The following ACIN1 variants were observed in gnomAD, a reference collection of about 807,000 sequenced individuals.
The protein encoded by ACIN1 is apoptotic chromatin condensation inducer 1.
Under a neutral mutation model 146.6 loss-of-function variants are expected in ACIN1, and 16 were observed. That is an observed-to-expected ratio of 0.11 (90% CI 0.07 to 0.17). The LOEUF (loss-of-function observed/expected upper bound fraction) is 0.17, where lower values mean the gene tolerates loss of function less well. Among genes scored for constraint, ACIN1 ranks in the 10% least tolerant of loss-of-function variants. The pLI, the probability that ACIN1 is intolerant of heterozygous loss-of-function variation, is 1.00. For missense variants in ACIN1, 1,357 were observed against 1,609.3 expected, an observed-to-expected ratio of 0.84 and a Z score of 2.68; for synonymous variants, 569 against 582.7, an observed-to-expected ratio of 0.98 and a Z score of 0.34.
chr14:23,058,868 T>A lies in ACIN1; in HGVS notation c.*280A>T, dbSNP rs901714314. ...AAATCAGAGGACTGGGGCACCTGGC[T>A]GTTCCCCATCTCTGGCCAACCACCT... On this transcript the variant is annotated 3_prime_UTR_variant, in exon 19 of 19. Coordinates refer to ENST00000605057, the MANE Select transcript of ACIN1 (RefSeq NM_001386863.1). 3 of 491,936 alleles carry A rather than the reference T, an allele frequency of 6.1e-6. No individual in the cohort carries two copies. The highest frequency in any genetic ancestry group is 5.7e-5 in the African/African-American group (3 of 52,360). 30.5% of individuals were successfully genotyped at this position (491,936 alleles called of 1,614,324 possible).
chr14:23,061,276 TA>T, intron 17 of ACIN1, 21 bp downstream of exon 17: 1 of 1,613,836 alleles, frequency 6.2e-7, no homozygotes, highest in South Asian at 1.1e-5. Context: ...TGGGTATGCG[TA>T]CCCCATAGCT....
intron 6 of ACIN1, 141 bp downstream of exon 6, chr14:23,079,406 A>C: frequency 7.2e-7 from 1 of 1,385,192 alleles, no homozygotes; most frequent in Non-Finnish European, 9.8e-7. Flanking sequence ...TTCTGAAATG[A>C]GGAGAAAGTA....
intron 1 of ACIN1, among the ~76,000 whole-genome samples, chr14:23,093,858 C>T (rs574150297): frequency 2.6e-5 from 4 of 152,282 alleles, no homozygotes; most frequent in Non-Finnish European, 5.9e-5. Context: ...TCTGCACTTT[C>T]GCCAAGTGCC....
rs1250426485 is a variant in ACIN1 at position 23,061,184 on chromosome 14, T to C, written c.3425A>G (p.Glu1142Gly). ...GGCAGGTGGTTCCTCCTGGGCTTTC[T>C]CTGAGGTGGAAAAAAGTGAACCAGA... Reference protein sequence around the residue: ...KSKEKKSEKKEKAQEEPPAKL... With the variant: ...KSKEKKSEKKGKAQEEPPAKL... Residue 1142 changes from glutamate to glycine, a missense_variant and splice_region_variant, in exon 18 of 19, where the codon GAG becomes GGG. Glu to Gly is a moderately conservative substitution (Grantham distance 98). Around this residue, in one of 4 missense-constraint regions of ACIN1, gnomAD observed 509 missense variants for 719.6 expected, o/e 0.71. Coordinates refer to ENST00000605057, the MANE Select transcript of ACIN1 (RefSeq NM_001386863.1). 6.2e-7 allele frequency: 1 copy of C among 1,614,134 alleles called. No individual in the cohort carries two copies.
At chr14:23,090,971 C>G (rs2048212923) in intron 2 of ACIN1, among the ~76,000 whole-genome samples, 1 of 152,170 alleles carries the variant, frequency 6.6e-6, no homozygotes, top group African/African-American at 2.4e-5. Context: ...GTGGCGTGAT[C>G]TTCCCTCACT....
At chr14:23,063,276 T>C (rs1260799176) in intron 13 of ACIN1, 160 bp downstream of exon 13, 5 of 1,147,548 alleles carry the variant, frequency 4.4e-6, no homozygotes, top group Non-Finnish European at 6.1e-6. Flanking sequence ...CAGAGTCAAA[T>C]CTGGCCCTCA....
At chr14:23,076,482 G>A (rs1479003085) in intron 8 of ACIN1, 1 of 152,120 alleles carries the variant, frequency 6.6e-6, no homozygotes, top group East Asian at 1.9e-4. Context: ...GGAGTGGGGG[G>A]ACAGGAAACT....
At chr14:23,081,613 G>A in intron 5 of ACIN1, 135 bp downstream of exon 5, 1 of 730,650 alleles carries the variant, frequency 1.4e-6, no homozygotes, top group Non-Finnish European at 2.2e-6. Context: ...CTAGGCGACA[G>A]AGCCAGACTC....
intron 18 of ACIN1, 28 bp from the exon 19 acceptor site, chr14:23,059,502 T>G (rs1206996383): frequency 8.8e-6 from 14 of 1,588,266 alleles, no homozygotes; most frequent in Non-Finnish European, 1.2e-5. Flanking sequence ...AGGCAGAGAA[T>G]AGGCAGCTCA....
At chr14:23,082,969 G>A (rs952259250) in intron 4 of ACIN1, among the ~76,000 whole-genome samples, 2 of 146,102 alleles carry the variant, frequency 1.4e-5, no homozygotes, top group African/African-American at 5.1e-5. Flanking sequence ...GAACTCCTGG[G>A]CTCAAGCAAT....
At position 23,067,428 on chromosome 14, in the gene ACIN1, G is replaced by A. The variant is rs2047491720; in HGVS notation, c.2266-1420C>T. 1 of 982,464 alleles carries A rather than the reference G, an allele frequency of 1.0e-6. No individual in the cohort carries two copies. The highest frequency in any genetic ancestry group is 1.2e-6 in the Non-Finnish European group (1 of 829,034). 60.9% of individuals were successfully genotyped at this position (982,464 alleles called of 1,614,324 possible). ...CGCTGTGCAATTGGTGGGGGGTTGG[G>A]TTGGCAAAAAAGGTGGGCGCACGGC... On this transcript the variant is annotated intron_variant, in intron 9 of 18. Transcript: ENST00000605057. The surrounding 1 kb of genome is among the most constrained non-coding windows in gnomAD (Gnocchi z 4.6).
At position 23,067,665 on chromosome 14, in the gene ACIN1, G is replaced by T; in HGVS notation, c.2266-1657C>A. On this transcript the variant is annotated intron_variant, in intron 9 of 18. Coordinates refer to ENST00000605057, the MANE Select transcript of ACIN1 (RefSeq NM_001386863.1). This position sits in a 1 kb window ranked among gnomAD's most constrained non-coding sequence, Gnocchi z 4.6. ...CTTGCAGTCCCTGATGAGATGGCCT[G>T]TGAGTAGCAGGAATGATCCTTGCCT... is the stretch of plus-strand genomic sequence containing the variant. 1.0e-6 allele frequency: 1 copy of T among 985,936 alleles called. No individual in the cohort carries two copies. The highest frequency in any genetic ancestry group is 1.2e-6 in the Non-Finnish European group (1 of 829,978). 61.1% of individuals were successfully genotyped at this position (985,936 alleles called of 1,614,324 possible).
intron 8 of ACIN1, among the ~76,000 whole-genome samples, chr14:23,072,629 T>G (rs992039963): frequency 1.3e-5 from 2 of 152,246 alleles, no homozygotes; most frequent in Non-Finnish European, 2.9e-5. Flanking sequence ...CTAGTGGCAG[T>G]AGAAGTTTAC....
In ACIN1 at chr14:23,080,537, G is replaced by C; in HGVS notation, c.798C>G (p.Pro266=). The change falls in exon 6 of 19, where the codon CCC becomes CCG. Residue 266 remains proline, a synonymous_variant. Coordinates refer to ENST00000605057, the MANE Select transcript of ACIN1 (RefSeq NM_001386863.1). ...VKPEEMMDER[P]KTRSQEQEVL... ...CCTCCTGTTCCTGGGATCTTGTTTT[G>C]GGTCTCTCATCCATCATCTCCTCTG... 1.2e-6 allele frequency: 2 copies of C among 1,613,756 alleles called. No homozygotes were observed. Among genetic ancestry groups the C allele is most frequent in the Non-Finnish European group, 1.7e-6 (2 of 1,179,984 alleles).
chr14:23,069,592 C>T lies in ACIN1; in HGVS notation c.2149G>A (p.Asp717Asn). 6.2e-7 allele frequency: 1 copy of T among 1,611,328 alleles called. No individual in the cohort carries two copies. Residue 717 changes from aspartate (D) to asparagine (N), a missense_variant, in exon 9 of 19, where the codon GAC (aspartate) becomes AAC (asparagine). By Grantham distance (23) the Asp-to-Asn change is conservative. Around this residue, in one of 4 missense-constraint regions of ACIN1, gnomAD observed 771 missense variants for 746.6 expected, o/e 1.03. Transcript: ENST00000605057. ...TTTTCAGGTCTGTTTTCACTTGTGTCCATGGTCACTTCCTCCTTCTCCTCA... is the reference window on the plus strand; with the variant it reads ...TTTTCAGGTCTGTTTTCACTTGTGTTCATGGTCACTTCCTCCTTCTCCTCA... The part of the protein sequence containing the change: ...TVEEKEEVTM[D>N]TSENRPENDV...
At chr14:23,091,140 A>G (rs2048216391) in intron 2 of ACIN1, among the ~76,000 whole-genome samples, 1 of 152,058 alleles carries the variant, frequency 6.6e-6, no homozygotes, top group Non-Finnish European at 1.5e-5. Context: ...CCTGACCTCA[A>G]GTGATCCACC....
rs2047897527 is a variant in ACIN1, at chr14:23,079,860, G to T, written c.1475C>A (p.Pro492Gln). 1 of 1,614,056 alleles carries T rather than the reference G, an allele frequency of 6.2e-7. No individual in the cohort carries two copies. The highest frequency in any genetic ancestry group is 8.5e-7 in the Non-Finnish European group (1 of 1,180,040). The change falls in exon 6 of 19, where the codon CCA becomes CAA. Residue 492 changes from proline to glutamine, a missense_variant. Coordinates refer to ENST00000605057, the MANE Select transcript of ACIN1 (RefSeq NM_001386863.1). ...TCTGCCTTCCTTCTGTTCCAAAGATGGCTGTTTCAGACATTCTTCAGTGAT... is the reference window on the plus strand; with the variant it reads ...TCTGCCTTCCTTCTGTTCCAAAGATTGCTGTTTCAGACATTCTTCAGTGAT... ...KGITEECLKQ[P>Q]SLEQKEGRRA...
In ACIN1 at chr14:23,061,027, A is replaced by C; in HGVS notation, c.3525+57T>G. ...CTCGCAGTCACATGAATCTCCCCTC[A>C]CCCTGACCTCAAGCCTCAGTGCCAC... is the stretch of plus-strand genomic sequence containing the variant. On this transcript the variant is annotated intron_variant, in intron 18 of 18. Coordinates refer to ENST00000605057, the MANE Select transcript of ACIN1 (RefSeq NM_001386863.1). The C allele has an allele frequency of 3.3e-6, 5 of 1,527,368 alleles. No individual in the cohort carries two copies. In the South Asian group the frequency reaches 5.6e-5, roughly 17 times the overall value. 94.6% of individuals were successfully genotyped at this position (1,527,368 alleles called of 1,614,324 possible).
At chr14:23,095,336 C>T (rs746967907), upstream of ACIN1, 43 of 1,548,404 alleles carry the variant, frequency 2.8e-5, no homozygotes, top group Admixed American at 7.1e-4. Flanking sequence ...CTTTTCTCGC[C>T]CTGCTTTCAG....
Sources: gnomAD v4.1 joint callset for allele counts (sites outside exome capture counted in the v4.1 genomes callset) on GRCh38, gnomAD v4.1.1 for gene constraint, gnomAD v4.1.1 regional missense constraint, Gnocchi (gnomAD v3.1) non-coding constraint, MANE v1.5 for transcripts, NCBI Gene and HGNC (gene_info 2026-07-23, HGNC 2026-07-21) for gene names.